The following NT5C variants were observed in gnomAD, a reference collection of about 807,000 sequenced individuals.
The protein encoded by NT5C is 5'(3')-deoxyribonucleotidase, cytosolic type.
A neutral mutation model predicts 17.6 loss-of-function variants in NT5C; 14 were observed. That is an observed-to-expected ratio of 0.79 (90% CI 0.52 to 1.24). The LOEUF is 1.24. Ranked by LOEUF, NT5C falls within the 50% of genes most tolerant of loss-of-function variation. The probability of loss-of-function intolerance (pLI) is 0.00; values close to 1 mark genes in which losing one functional copy is unlikely to be tolerated. For synonymous variants in NT5C, 153 were observed against 119.2 expected (o/e 1.28, Z -1.85); for missense variants, 328 against 278.3 (o/e 1.18, Z -1.27).
chr17:75,130,399 C>G lies in NT5C; in HGVS notation c.*89G>C, dbSNP rs551407531. On this transcript the variant is annotated 3_prime_UTR_variant, in exon 5 of 5. Coordinates refer to ENST00000245552, the MANE Select transcript of NT5C (RefSeq NM_014595.3). ...CTCCACTCCACGGGGCCAGAGGCAC[C>G]AGCACGATGCCGCCCCGACTCGGCT... The G allele has an allele frequency of 3.4e-5, 51 of 1,512,392 alleles. No homozygotes were observed. In the South Asian group the frequency reaches 5.8e-4, roughly 17 times the overall value. 93.7% of individuals were successfully genotyped at this position (1,512,392 alleles called of 1,614,324 possible).
intron 1 of NT5C, 124 bp downstream of exon 1, chr17:75,131,410 T>A (rs2074122787): frequency 7.2e-7 from 1 of 1,390,882 alleles, no homozygotes; most frequent in South Asian, 1.4e-5. Context: ...GCCCAAAGGC[T>A]CCTCCCCAGG....
At chr17:75,131,729 AGCTCTCGGGGTCTGGGGGGCGCGG>A (rs2074131969) in exon 1 of NT5C, 2 of 1,268,376 alleles carry the variant, frequency 1.6e-6, no homozygotes, top group Non-Finnish European at 2.0e-6. Flanking sequence ...CGGAGCTGCG[AGCTCTCGGGGTCTGGGGGGCGCGG>A]GCTCGGCCGG....
Position 75,131,665 on chromosome 17 carries a change from G to A in NT5C, c.43C>T (p.Leu15=). 2 of 1,340,502 alleles carry A rather than the reference G, an allele frequency of 1.5e-6. No homozygotes were observed. The highest frequency in any genetic ancestry group is 1.5e-5 in the African/African-American group (1 of 65,454). The allele number at this position is 1,340,502 out of a possible 1,614,324, so 83.0% of individuals were successfully genotyped here. Residue 15 remains leucine (L), a synonymous_variant, in exon 1 of 5, where the codon CTG becomes TTG. Coordinates refer to ENST00000245552, the MANE Select transcript of NT5C (RefSeq NM_014595.3). Reference sequence around the variant, plus strand: ...AGGAGGCCGGCCTCGAAGTCGGCCAGGACGCCGTCCATGTCCACCAGCACG... The same window carrying A: ...AGGAGGCCGGCCTCGAAGTCGGCCAAGACGCCGTCCATGTCCACCAGCACG... ...VRVLVDMDGV[L]ADFEAGLLRG...
At position 75,131,535 on chromosome 17, in the gene NT5C, G is replaced by C. The variant is rs1375889045; in HGVS notation, c.173C>G (p.Ala58Gly). 11 of 1,409,342 alleles carry C rather than the reference G, an allele frequency of 7.8e-6. No homozygotes were observed. Among genetic ancestry groups the C allele is most frequent in the Non-Finnish European group, 1.0e-5 (11 of 1,090,486 alleles). 87.3% of individuals were successfully genotyped at this position (1,409,342 alleles called of 1,614,324 possible). The change falls in exon 1 of 5, where the codon GCG (alanine) becomes GGG (glycine). Residue 58 changes from alanine (A) to glycine (G), a missense_variant and splice_region_variant. By Grantham distance (60) the Ala-to-Gly change is moderately conservative. Coordinates refer to ENST00000245552, the MANE Select transcript of NT5C (RefSeq NM_014595.3). ...EQYRALRPDL[A>G]DKVASVYEAP... ...GGGTGGGGACCCTGCGCCCCCTACC[G>C]CCAGGTCGGGCCGCAGGGCGCGGTA...
At chr17:75,131,132 G>A in intron 2 of NT5C, 27 bp from the exon 3 acceptor site, 1 of 1,612,614 alleles carries the variant, frequency 6.2e-7, no homozygotes, top group Non-Finnish European at 8.5e-7. Context: ...GGTTACCGCC[G>A]GGAGCCAGGA....
In NT5C at chr17:75,130,653, G is replaced by A; in HGVS notation, c.452-11C>T. 2.1e-6 allele frequency: 3 copies of A among 1,459,432 alleles called. No homozygotes were observed. The highest frequency in any genetic ancestry group is 2.7e-6 in the Non-Finnish European group (3 of 1,107,744). The allele number at this position is 1,459,432 out of a possible 1,614,324, so 90.4% of individuals were successfully genotyped here. On this transcript the variant is annotated splice_polypyrimidine_tract_variant and intron_variant, in intron 4 of 4. Coordinates refer to ENST00000245552, the MANE Select transcript of NT5C (RefSeq NM_014595.3). ...GGGTCTCCTCCTGGCCTAGGACAGTGAAAGACAGCGCGCTGCCATCTGTCA... is the reference window on the plus strand; with the variant it reads ...GGGTCTCCTCCTGGCCTAGGACAGTAAAAGACAGCGCGCTGCCATCTGTCA...
At position 75,130,629 on chromosome 17, in the gene NT5C, G is replaced by A; in HGVS notation, c.465C>T (p.Thr155=). 1 of 1,592,806 alleles carries A rather than the reference G, an allele frequency of 6.3e-7. No individual in the cohort carries two copies. Among genetic ancestry groups the A allele is most frequent in the Non-Finnish European group, 8.5e-7 (1 of 1,172,370 alleles). The change falls in exon 5 of 5, where the codon ACC becomes ACT. Residue 155 remains threonine, a synonymous_variant. Transcript: ENST00000245552. ...DKDTVRGQEE[T]PSWEHILFTC... ...TGAACAAGATGTGCTCCCAGCTTGGGGTCTCCTCCTGGCCTAGGACAGTGA... is the reference window on the plus strand; with the variant it reads ...TGAACAAGATGTGCTCCCAGCTTGGAGTCTCCTCCTGGCCTAGGACAGTGA...
In NT5C at chr17:75,131,208, G is replaced by T. The variant is rs766310077; in HGVS notation, c.248C>A (p.Ala83Asp). 2 of 1,613,960 alleles carry T rather than the reference G, an allele frequency of 1.2e-6. No homozygotes were observed. The highest frequency in any genetic ancestry group is 2.2e-5 in the South Asian group (2 of 91,078). The change falls in exon 2 of 5, where the codon GCT becomes GAT. Residue 83 changes from alanine to aspartate, a missense_variant. Transcript: ENST00000245552. The stretch of plus-strand genomic sequence containing the variant: ...CGGTAGGTCGTTCATCTCCCGCACA[G>T]CGTCCAAGGCTCCCGGGATGGGCTC... ...DLEPIPGALD[A>D]VREMNDLPDT...
intron 1 of NT5C, 93 bp from the exon 2 acceptor site, chr17:75,131,374 G>A: frequency 6.9e-7 from 1 of 1,445,804 alleles, no homozygotes; most frequent in Non-Finnish European, 9.4e-7. Context: ...TCAGAGGGGC[G>A]GAGGGGGCGT....
chr17:75,130,742 A>G lies in NT5C; in HGVS notation c.451+11T>C. ...AGAGGCCTGGAGGCTGCCAAGGATA[A>G]CGGGTCCAACCTCGAACTGTGTCCT... is the stretch of plus-strand genomic sequence containing the variant. On this transcript the variant is annotated intron_variant, in intron 4 of 4. Transcript: ENST00000245552. The G allele has an allele frequency of 6.2e-7, 1 of 1,614,034 alleles. No individual in the cohort carries two copies. Among genetic ancestry groups the G allele is most frequent in the Non-Finnish European group, 8.5e-7 (1 of 1,179,868 alleles).
In NT5C at chr17:75,131,292, A is replaced by G. The variant is rs1433687078; in HGVS notation, c.175-11T>C. On this transcript the variant is annotated splice_polypyrimidine_tract_variant and intron_variant, in intron 1 of 4. Transcript: ENST00000245552. ...ACTGGCCACTTTATCCTGAAAGACA[A>G]GAGTTCTGGGTCCCGGCTTCCCGTT... is the stretch of plus-strand genomic sequence containing the variant. 9 of 1,613,008 alleles carry G rather than the reference A, an allele frequency of 5.6e-6. No individual in the cohort carries two copies. The highest frequency in any genetic ancestry group is 1.3e-5 in the African/African-American group (1 of 75,036).
At chr17:75,131,428 G>A (rs1295655072) in intron 1 of NT5C, 106 bp downstream of exon 1, 2 of 1,399,852 alleles carry the variant, frequency 1.4e-6, no homozygotes, top group Non-Finnish European at 1.9e-6. Flanking sequence ...AGGGTGCGCT[G>A]CCCGCGGGTT....
In NT5C at chr17:75,131,635, C is replaced by T. The variant is rs1489377741; in HGVS notation, c.73G>A (p.Gly25Ser). ...TCCTCAGGGAAGCGGCGGCGGAAGC[C>T]CCGCAGGAGGCCGGCCTCGAAGTCG... ...LADFEAGLLRGFRRRFPEEPH... is the reference protein window; with the variant it reads ...LADFEAGLLRSFRRRFPEEPH... The change falls in exon 1 of 5, where the codon GGC becomes AGC. Residue 25 changes from glycine to serine, a missense_variant. Gly to Ser is a moderately conservative substitution (Grantham distance 56). Coordinates refer to ENST00000245552, the MANE Select transcript of NT5C (RefSeq NM_014595.3). 8.0e-6 allele frequency: 11 copies of T among 1,369,678 alleles called. No homozygotes were observed. Among genetic ancestry groups the T allele is most frequent in the Admixed American group, 7.2e-5 (2 of 27,632 alleles). 84.8% of individuals were successfully genotyped at this position (1,369,678 alleles called of 1,614,324 possible).
chr17:75,131,157 C>G lies in NT5C; in HGVS notation c.275+24G>C, dbSNP rs534778835. 1.4e-5 allele frequency: 22 copies of G among 1,612,318 alleles called. No individual in the cohort carries two copies. In the East Asian group the frequency reaches 4.7e-4, roughly 34 times the overall value. Reference sequence around the variant, plus strand: ...GGGAGCCAGGAGCCCGCCCAGGACTCCGCCCGCCCCCCTCTCTCCTTACTC... The same window carrying G: ...GGGAGCCAGGAGCCCGCCCAGGACTGCGCCCGCCCCCCTCTCTCCTTACTC... On this transcript the variant is annotated intron_variant, in intron 2 of 4. Transcript: ENST00000245552.
chr17:75,130,847 G>A lies in NT5C; in HGVS notation c.357C>T (p.His119=). Residue 119 remains histidine, a synonymous_variant, in exon 4 of 5, where the codon CAC becomes CAT. Coordinates refer to ENST00000245552, the MANE Select transcript of NT5C (RefSeq NM_014595.3). ...VGEKYRWVEQ[H]LGPQFVERII... Reference sequence around the variant, plus strand: ...TTCGTTCTACGAACTGGGGCCCCAGGTGCTGCTCCACCCAGCGGTACTGTG... The same window carrying A: ...TTCGTTCTACGAACTGGGGCCCCAGATGCTGCTCCACCCAGCGGTACTGTG... 6.2e-7 allele frequency: 1 copy of A among 1,614,158 alleles called. No individual in the cohort carries two copies.
chr17:75,131,250 C>T lies in NT5C; in HGVS notation c.206G>A (p.Gly69Asp), dbSNP rs2145144003. 1 of 1,614,030 alleles carries T rather than the reference C, an allele frequency of 6.2e-7. No homozygotes were observed. Among genetic ancestry groups the T allele is most frequent in the Non-Finnish European group, 8.5e-7 (1 of 1,180,020 alleles). Residue 69 changes from glycine (G) to aspartate (D), a missense_variant, in exon 2 of 5, where the codon GGC (glycine) becomes GAC (aspartate). Gly to Asp is a moderately conservative substitution (Grantham distance 94, BLOSUM62 -1). Transcript: ENST00000245552. ...GATGGGCTCCAGGTCCAGGAAAAAG[C>T]CCGGGGCTTCGTACACACTGGCCAC... is the stretch of plus-strand genomic sequence containing the variant. ...DKVASVYEAP[G>D]FFLDLEPIPG... is the part of the protein sequence containing the mutation.
At position 75,131,215 on chromosome 17, in the gene NT5C, A is replaced by G. The variant is rs2074117699; in HGVS notation, c.241T>C (p.Leu81=). 6.2e-7 allele frequency: 1 copy of G among 1,613,820 alleles called. No individual in the cohort carries two copies. The highest frequency in any genetic ancestry group is 1.7e-5 in the Admixed American group (1 of 60,006). The change falls in exon 2 of 5, where the codon TTG becomes CTG. Residue 81 remains leucine (L), a synonymous_variant. Transcript: ENST00000245552. The part of the protein sequence containing the change: ...FLDLEPIPGA[L]DAVREMNDLP... ...TCGTTCATCTCCCGCACAGCGTCCAAGGCTCCCGGGATGGGCTCCAGGTCC... is the reference window on the plus strand; with the variant it reads ...TCGTTCATCTCCCGCACAGCGTCCAGGGCTCCCGGGATGGGCTCCAGGTCC...
In NT5C at chr17:75,130,259, G is replaced by A. The variant is rs2074095042; in HGVS notation, c.*229C>T. The A allele has an allele frequency of 1.2e-5, 7 of 565,654 alleles. No individual in the cohort carries two copies. Among genetic ancestry groups the A allele is most frequent in the Non-Finnish European group, 2.2e-5 (7 of 317,426 alleles). 35.0% of individuals were successfully genotyped at this position (565,654 alleles called of 1,614,324 possible). On this transcript the variant is annotated 3_prime_UTR_variant, in exon 5 of 5. Transcript: ENST00000245552. Reference sequence around the variant, plus strand: ...GCCAAGGTCTTTTATTAAAGGTCCCGACTGGTTTTCCCACTGTATTTCCAT... The same window carrying A: ...GCCAAGGTCTTTTATTAAAGGTCCCAACTGGTTTTCCCACTGTATTTCCAT...
At chr17:75,130,932 G>A (rs1254441272) in intron 3 of NT5C, 65 bp from the exon 4 acceptor site, 10 of 1,611,274 alleles carry the variant, frequency 6.2e-6, no homozygotes, top group Non-Finnish European at 8.5e-6. Context: ...ATAGGGACTT[G>A]GCTCTAAGCC....
Sources: gnomAD v4.1 joint callset for allele counts on GRCh38, gnomAD v4.1.1 for gene constraint, MANE v1.5 for transcripts, NCBI Gene and HGNC (gene_info 2026-07-23, HGNC 2026-07-21) for gene names.